Variants in USP9X observed in about 807,000 individuals in gnomAD.
USP9X encodes ubiquitin specific peptidase 9 X-linked.
Under a neutral mutation model 190.3 loss-of-function variants are expected in USP9X, and 7 were observed. The observed-to-expected ratio is 0.04, with a 90% CI of 0.02 to 0.07. The LOEUF (loss-of-function observed/expected upper bound fraction) is 0.07. Ranked by LOEUF, USP9X falls within the 10% of genes least tolerant of loss-of-function variation. USP9X has a pLI of 1.00. For synonymous variants in USP9X, 645 were observed against 659.5 expected (o/e 0.98, Z 0.34); for missense variants, 1,010 against 1,916.9 (o/e 0.53, Z 8.83).
intron 1 of USP9X, among the ~76,000 whole-genome samples, chrX:41,115,694 A>G (rs752894419): frequency 8.9e-6 from 1 of 112,428 alleles, no homozygotes; most frequent in Non-Finnish European, 1.9e-5. Flanking sequence ...TTAGAACAAT[A>G]TGTGACCCAT....
chrX:41,100,096 C>G (rs2062023894), intron 1 of USP9X, among the ~76,000 whole-genome samples: 1 of 111,847 alleles, frequency 8.9e-6, no homozygotes, highest in African/African-American at 3.3e-5. Context: ...TTCAGTATAT[C>G]CCATTCTAAT....
intron 26 of USP9X, chrX:41,189,980 AAGTC>A (rs1343910854): frequency 1.8e-5 from 2 of 112,335 alleles, no homozygotes; most frequent in Non-Finnish European, 3.8e-5. Flanking sequence ...CTTTTTCTGC[AAGTC>A]AGTCAGATTT....
chrX:41,190,488 T>G (rs1294240320), intron 26 of USP9X, among the ~76,000 whole-genome samples: 1 of 111,420 alleles, frequency 9.0e-6, no homozygotes, highest in Non-Finnish European at 1.9e-5. Context: ...TGCTACCTCC[T>G]TGAGAAGACA....
At chrX:41,122,839 ATCT>A (rs1245631099) in intron 1 of USP9X, among the ~76,000 whole-genome samples, 2 of 110,525 alleles carry the variant, frequency 1.8e-5, no homozygotes, top group African/African-American at 6.6e-5. Flanking sequence ...TGGGAAGATG[ATCT>A]TCTCCTGGAG....
intron 39 of USP9X, 42 bp from the exon 40 acceptor site, chrX:41,224,700 G>A: frequency 3.9e-6 from 4 of 1,037,196 alleles, no homozygotes; most frequent in Non-Finnish European, 5.3e-6. Flanking sequence ...TTATTGTGAA[G>A]AAGCTTATTA....
chrX:41,208,523 C>T (rs2063126855), intron 32 of USP9X, among the ~76,000 whole-genome samples: 1 of 111,800 alleles, frequency 8.9e-6, no homozygotes, highest in Non-Finnish European at 1.9e-5. Flanking sequence ...CACTTCCTCA[C>T]CCCACTCTTT....
Position 41,201,106 on chromosome X carries a change from C to A in USP9X, c.4650C>A (p.Pro1550=). 1 of 1,209,865 alleles carries A rather than the reference C, an allele frequency of 8.3e-7. No individual in the cohort carries two copies. The highest frequency in any genetic ancestry group is 1.1e-6 in the Non-Finnish European group (1 of 895,270). Residue 1550 remains proline (P), a synonymous_variant, in exon 31 of 45, where the codon CCC becomes CCA. Transcript: ENST00000378308. ...TEWEYLPPVG[P]RPPKGFVGLK... ...GGGAATATCTGCCACCTGTTGGACC[C>A]CGCCCACCCAAAGGATTCGTGGGGC...
At chrX:41,203,522 C>T (rs1907350498) in intron 31 of USP9X, among the ~76,000 whole-genome samples, 1 of 111,487 alleles carries the variant, frequency 9.0e-6, no homozygotes, top group Non-Finnish European at 1.9e-5. Context: ...CCACATTTTC[C>T]TTATCCATTC....
At chrX:41,162,239 G>A (rs959858438) in intron 14 of USP9X, among the ~76,000 whole-genome samples, 1 of 111,873 alleles carries the variant, frequency 8.9e-6, no homozygotes, top group African/African-American at 3.3e-5. Flanking sequence ...ATCTGATATG[G>A]AAATATAGTA....
chrX:41,093,407 C>T (rs952315983), intron 1 of USP9X, among the ~76,000 whole-genome samples: 4 of 112,377 alleles, frequency 3.6e-5, no homozygotes, highest in East Asian at 5.6e-4. Context: ...GTAAATGGCG[C>T]GATCTCGGCT....
intron 31 of USP9X, 148 bp downstream of exon 31, chrX:41,201,428 G>GTTTC: frequency 1.8e-6 from 1 of 555,711 alleles, no homozygotes; most frequent in Non-Finnish European, 2.8e-6. Context: ...TGTGGTCTCA[G>GTTTC]CTACTCAGGA....
intron 14 of USP9X, among the ~76,000 whole-genome samples, chrX:41,158,569 T>C (rs2062599878): frequency 9.0e-6 from 1 of 111,607 alleles, no homozygotes; most frequent in South Asian, 3.8e-4. Context: ...AAGACTTGGC[T>C]TACAAGACAC....
chrX:41,125,678 A>ACTCTCTCTCTCT (rs1353372304), intron 2 of USP9X, among the ~76,000 whole-genome samples: 12 of 33,879 alleles, frequency 3.5e-4, no homozygotes, highest in African/African-American at 1.3e-3. Context: ...ACACACACAC[A>ACTCTCTCTCTCT]CACACACTCT....
At chrX:41,101,575 C>T (rs1419681088) in intron 1 of USP9X, among the ~76,000 whole-genome samples, 1 of 111,333 alleles carries the variant, frequency 9.0e-6, no homozygotes, top group African/African-American at 3.3e-5. Context: ...TTCAGCCTCC[C>T]TAGTAGCTGG....
At chrX:41,198,834 C>A in intron 30 of USP9X, 84 bp downstream of exon 30, 2 of 885,337 alleles carry the variant, frequency 2.3e-6, no homozygotes, top group Non-Finnish European at 3.1e-6. Flanking sequence ...AAAATATTTC[C>A]AACTTACGTA....
At position 41,236,566 on chromosome X, in the gene USP9X, CTT is replaced by C. The variant is rs1283444960; in HGVS notation, c.*4044_*4045del. 8.9e-6 allele frequency: 1 copy of C among 112,339 alleles called. No individual in the cohort carries two copies. The highest frequency in any genetic ancestry group is 1.9e-5 in the Non-Finnish European group (1 of 53,207). 9.3% of individuals were successfully genotyped at this position (112,339 alleles called of 1,213,427 possible). ...ATTTAGCACATATACAAAAATAAAA[CTT>C]TATAAATTCAATTTCGGTTTTCCCT... On this transcript the variant is annotated 3_prime_UTR_variant, in exon 45 of 45. Transcript: ENST00000378308.
chrX:41,210,937 C>CT (rs1555932882), intron 33 of USP9X, among the ~76,000 whole-genome samples: 1 of 109,962 alleles, frequency 9.1e-6, no homozygotes, highest in African/African-American at 3.3e-5. Context: ...CAGTCTCTTT[C>CT]TTCCTTTCCT....
chrX:41,149,828 C>T (rs2062506986), intron 12 of USP9X, among the ~76,000 whole-genome samples: 1 of 110,125 alleles, frequency 9.1e-6, no homozygotes. Flanking sequence ...CTCGGCCTCC[C>T]CAGTAGCTGG....
intron 18 of USP9X, among the ~76,000 whole-genome samples, chrX:41,168,486 A>AT (rs908499797): frequency 5.4e-5 from 6 of 111,564 alleles, no homozygotes; most frequent in Non-Finnish European, 1.1e-4. Flanking sequence ...TTGCAGTGGC[A>AT]TTTTGCAGTT....
Sources: allele counts gnomAD v4.1 joint callset (sites outside exome capture counted in the v4.1 genomes callset), GRCh38; gene constraint gnomAD v4.1.1; transcripts MANE v1.5; gene names NCBI Gene and HGNC (gene_info 2026-07-23, HGNC 2026-07-21).